ZNF277: variants seen among roughly 807,000 people sequenced by gnomAD.
The protein encoded by ZNF277 is nuclear receptor-interacting factor 4.
Under a neutral mutation model 60.7 loss-of-function variants are expected in ZNF277, and 55 were observed. The observed-to-expected ratio is 0.91, with a 90% confidence interval of 0.73 to 1.13. ZNF277 has a LOEUF of 1.13. ZNF277 is among the 50% of genes most tolerant of loss of function. The pLI, the probability that ZNF277 is intolerant of heterozygous loss-of-function variation, is 0.00. For missense variants in ZNF277, 510 were observed against 523.0 expected (o/e 0.98, Z 0.24); for synonymous variants, 178 against 179.3 (o/e 0.99, Z 0.06).
At chr7:112,337,902 CTTTTACTTCAG>C in intron 9 of ZNF277, 76 bp downstream of exon 9, 1 of 1,210,760 alleles carries the variant, frequency 8.3e-7, no homozygotes, top group Non-Finnish European at 1.2e-6. Flanking sequence ...CCCTCATCTG[CTTTTACTTCAG>C]TTTCCCAATC....
At chr7:112,298,669 G>A (rs920642586) in intron 4 of ZNF277, among the ~76,000 whole-genome samples, 22 of 152,176 alleles carry the variant, frequency 1.4e-4, no homozygotes, top group African/African-American at 4.8e-4. Context: ...AGACCAACTT[G>A]GGGATTGGAA....
chr7:112,257,382 T>C, intron 1 of ZNF277, among the ~76,000 whole-genome samples: 1 of 152,192 alleles, frequency 6.6e-6, no homozygotes. Flanking sequence ...ACTTTAGCAG[T>C]ATTTCAACTT....
intron 1 of ZNF277, among the ~76,000 whole-genome samples, chr7:112,255,790 A>G (rs1450696848): frequency 6.6e-6 from 1 of 152,186 alleles, no homozygotes; most frequent in Non-Finnish European, 1.5e-5. Flanking sequence ...AATAACATTC[A>G]GTTTTGTGAA....
intron 1 of ZNF277, among the ~76,000 whole-genome samples, chr7:112,272,530 G>C (rs1791695775): frequency 6.6e-6 from 1 of 152,146 alleles, no homozygotes; most frequent in African/African-American, 2.4e-5. Context: ...GTCTTCCTCT[G>C]TCGCCCAGGC....
intron 2 of ZNF277, among the ~76,000 whole-genome samples, chr7:112,290,078 G>A (rs910820279): frequency 6.6e-6 from 1 of 152,034 alleles, no homozygotes; most frequent in Non-Finnish European, 1.5e-5. Context: ...CACCCACCTC[G>A]GCCTCCTGAA....
At chr7:112,301,108 G>A (rs1182126084) in intron 4 of ZNF277, among the ~76,000 whole-genome samples, 1 of 151,048 alleles carries the variant, frequency 6.6e-6, no homozygotes, top group African/African-American at 2.4e-5. Context: ...TTTCTGACAA[G>A]ATCTCCCTCT....
Position 112,319,593 on chromosome 7 carries a change from A to G in ZNF277, c.557+1320A>G, listed in dbSNP as rs1792927196. ...CACAGTAACTGACATTGTTATGTGA[A>G]AAACCTTGGAAAGGAGAAGGTAGCC... On this transcript the variant is annotated intron_variant, in intron 5 of 11. Transcript: ENST00000361822. Among the ~76,000 whole-genome samples the G allele has an allele frequency of 1.3e-5, 2 of 150,608 alleles. 1 individual carries two copies. The highest frequency in any genetic ancestry group is 7.1e-3 in the Middle Eastern group (2 of 282).
intron 1 of ZNF277, among the ~76,000 whole-genome samples, chr7:112,283,925 G>GTA (rs960153071): frequency 2.0e-5 from 3 of 152,116 alleles, no homozygotes; most frequent in African/African-American, 4.8e-5. Flanking sequence ...GCTTATAAAT[G>GTA]TATATATATA....
At chr7:112,317,702 C>T (rs919722792) in intron 4 of ZNF277, among the ~76,000 whole-genome samples, 2 of 151,850 alleles carry the variant, frequency 1.3e-5, no homozygotes, top group Admixed American at 6.6e-5. Context: ...TCAGGGAGAA[C>T]CTTTAGGAGA....
At chr7:112,248,613 T>A (rs1791135896) in intron 1 of ZNF277, among the ~76,000 whole-genome samples, 1 of 152,104 alleles carries the variant, frequency 6.6e-6, no homozygotes, top group African/African-American at 2.4e-5. Flanking sequence ...TAATCACTGT[T>A]AATCTTTTAG....
At chr7:112,339,192 A>G (rs1006429586) in intron 9 of ZNF277, among the ~76,000 whole-genome samples, 1 of 152,256 alleles carries the variant, frequency 6.6e-6, no homozygotes, top group African/African-American at 2.4e-5. Context: ...TACAATAGAA[A>G]CATATCTTAC....
chr7:112,242,348 A>G (rs2116995637), intron 1 of ZNF277, among the ~76,000 whole-genome samples: 1 of 152,168 alleles, frequency 6.6e-6, no homozygotes, highest in South Asian at 2.1e-4. Flanking sequence ...GAAATGGAAC[A>G]AGTATCCCCA....
rs982016045 is a variant in ZNF277 at position 112,272,186 on chromosome 7, T to C, written c.92-14687T>C. Among the ~76,000 whole-genome samples, 3 of 152,224 alleles carry C rather than the reference T, an allele frequency of 2.0e-5. No homozygotes were observed. The East Asian group carries it at 5.8e-4, about 29-fold the overall frequency. ...ACAAATAAGGGAGAACATGCAAAGT[T>C]TGTCATTTTGTTCCCGGCTGATTTC... On this transcript the variant is annotated intron_variant, in intron 1 of 11. Transcript: ENST00000361822.
intron 1 of ZNF277, among the ~76,000 whole-genome samples, chr7:112,208,766 C>T (rs1315607429): frequency 6.8e-6 from 1 of 146,534 alleles, no homozygotes; most frequent in African/African-American, 2.5e-5. Flanking sequence ...CTGCAAGCTC[C>T]GCCTCCCAGG....
At chr7:112,330,659 G>T (rs948086708) in intron 7 of ZNF277, among the ~76,000 whole-genome samples, 2 of 150,008 alleles carry the variant, frequency 1.3e-5, no homozygotes, top group East Asian at 2.0e-4. Context: ...CTGCCTCCTG[G>T]TATCAAGCAA....
At chr7:112,333,619 T>G (rs906627467) in intron 7 of ZNF277, among the ~76,000 whole-genome samples, 1 of 152,142 alleles carries the variant, frequency 6.6e-6, no homozygotes, top group African/African-American at 2.4e-5. Flanking sequence ...GCAGCAGAAG[T>G]AGGAGAGCAA....
intron 2 of ZNF277, among the ~76,000 whole-genome samples, chr7:112,290,530 T>A (rs1321587789): frequency 6.6e-6 from 1 of 152,196 alleles, no homozygotes; most frequent in Non-Finnish European, 1.5e-5. Flanking sequence ...ATATCTGATA[T>A]AAGTGCTTTC....
intron 1 of ZNF277, among the ~76,000 whole-genome samples, chr7:112,211,681 A>G (rs776816092): frequency 3.3e-5 from 5 of 152,206 alleles, no homozygotes; most frequent in Non-Finnish European, 5.9e-5. Context: ...CTACATGTAT[A>G]ATTAGGTCCA....
At chr7:112,225,897 A>T (rs958559153) in intron 1 of ZNF277, among the ~76,000 whole-genome samples, 1 of 152,194 alleles carries the variant, frequency 6.6e-6, no homozygotes, top group African/African-American at 2.4e-5. Context: ...ACATGAAGAA[A>T]ATTTTTTGAG....
Sources: gnomAD v4.1 joint callset for allele counts (sites outside exome capture counted in the v4.1 genomes callset) on GRCh38, gnomAD v4.1.1 for gene constraint, MANE v1.5 for transcripts, NCBI Gene and HGNC (gene_info 2026-07-23, HGNC 2026-07-21) for gene names.